SEPTIN1: variants seen among roughly 807,000 people sequenced by gnomAD.
The protein encoded by SEPTIN1 is septin-1.
In SEPTIN1, 52 loss-of-function variants were observed where a neutral mutation model predicts 50.7. That is an observed-to-expected ratio of 1.03 (90% CI 0.82 to 1.29). SEPTIN1 has a LOEUF of 1.29. SEPTIN1 is among the 50% of genes most tolerant of loss of function. The pLI is 0.00. For missense variants in SEPTIN1, 455 were observed against 490.7 expected, an observed-to-expected ratio of 0.93 and a Z score of 0.69; for synonymous variants, 204 against 189.1, an observed-to-expected ratio of 1.08 and a Z score of -0.65.
Position 30,382,555 on chromosome 16 carries a change from C to G in SEPTIN1, c.-13G>C. On this transcript the variant is annotated 5_prime_UTR_variant, in exon 1 of 11. Coordinates refer to ENST00000321367, the MANE Select transcript of SEPTIN1 (RefSeq NM_001365977.2). The surrounding 1 kb of genome is among the most constrained non-coding windows in gnomAD (Gnocchi z 4.8). ...CTCCGCCAGCCATCACTGCACCTGC[C>G]GTCTCTCCCCACTTCCTCTGGTGGG... 6.3e-7 allele frequency: 1 copy of G among 1,588,932 alleles called. No individual in the cohort carries two copies. The highest frequency in any genetic ancestry group is 8.6e-7 in the Non-Finnish European group (1 of 1,167,572).
Position 30,381,449 on chromosome 16 carries a change from G to C in SEPTIN1, c.345C>G (p.Ile115Met), listed in dbSNP as rs771721047. Reference sequence around the variant, plus strand: ...TAAGGTACTGCTCAAATTGCTCCTCGATGAATTTCACCACCGGAAGCCAGC... The same window carrying C: ...TAAGGTACTGCTCAAATTGCTCCTCCATGAATTTCACCACCGGAAGCCAGC... ...SDCWLPVVKF[I>M]EEQFEQYLRD... Residue 115 changes from isoleucine to methionine, a missense_variant, in exon 5 of 11, where the codon ATC (isoleucine) becomes ATG (methionine). By Grantham distance (10) the Ile-to-Met change is conservative. Transcript: ENST00000321367. The surrounding 1 kb of genome is among the most constrained non-coding windows in gnomAD (Gnocchi z 4.3). The C allele has an allele frequency of 1.2e-6, 2 of 1,613,908 alleles. No individual in the cohort carries two copies. Among genetic ancestry groups the C allele is most frequent in the Non-Finnish European group, 1.7e-6 (2 of 1,180,014 alleles).
intron 9 of SEPTIN1, 82 bp downstream of exon 9, chr16:30,378,936 G>T: frequency 1.4e-6 from 2 of 1,405,180 alleles, no homozygotes; most frequent in Non-Finnish European, 9.8e-7. Context: ...GGAGTCACGG[G>T]TGGTGGGGAC....
At chr16:30,379,266 TCCTG>T (rs2049804411) in intron 8 of SEPTIN1, 83 bp from the exon 9 acceptor site, 1 of 1,551,966 alleles carries the variant, frequency 6.4e-7, no homozygotes, top group Non-Finnish European at 8.8e-7. Flanking sequence ...TACAGGAAAG[TCCTG>T]CTGCCACTCT....
Position 30,379,547 on chromosome 16 carries a change from G to A in SEPTIN1, c.676-13C>T, listed in dbSNP as rs748987262. 3.1e-6 allele frequency: 5 copies of A among 1,607,704 alleles called. No homozygotes were observed. The Admixed American group carries it at 6.7e-5, about 21-fold the overall frequency. On this transcript the variant is annotated splice_polypyrimidine_tract_variant and intron_variant, in intron 7 of 10. Transcript: ENST00000321367. ...AAGGGATGCTTTCCTGGAGGGCAGG[G>A]GGCAGGGGTTCACCATTGGCTCACA...
rs147007529 is a variant in SEPTIN1, at chr16:30,382,361, T to C, written c.23A>G (p.Lys8Arg). Residue 8 changes from lysine (K) to arginine (R), a missense_variant, in exon 2 of 11, where the codon AAG becomes AGG. Transcript: ENST00000321367. The surrounding 1 kb of genome is among the most constrained non-coding windows in gnomAD (Gnocchi z 4.8). Reference sequence around the variant, plus strand: ...GAGGGCAGCAAAACCCACGTACTCCTTGTCCTATGGATGGGGGTGGACAAT... The same window carrying C: ...GAGGGCAGCAAAACCCACGTACTCCCTGTCCTATGGATGGGGGTGGACAAT... MAGGVMD[K>R]EYVGFAALPN... 5.0e-5 allele frequency: 80 copies of C among 1,611,040 alleles called. No individual in the cohort carries two copies. The highest frequency in any genetic ancestry group is 6.5e-5 in the Non-Finnish European group (77 of 1,178,310).
In SEPTIN1 at chr16:30,378,605, C is replaced by T; in HGVS notation, c.1032+5G>A. 1.2e-6 allele frequency: 2 copies of T among 1,611,464 alleles called. No homozygotes were observed. The highest frequency in any genetic ancestry group is 1.7e-6 in the Non-Finnish European group (2 of 1,179,818). On this transcript the variant is annotated splice_donor_5th_base_variant and intron_variant, in intron 10 of 10. Transcript: ENST00000321367. ...CGGTCGGGGGGAAGCGAGGTGCGTGCTCACCTCTTCGTCTTTCTCGCGGAT... is the reference window on the plus strand; with the variant it reads ...CGGTCGGGGGGAAGCGAGGTGCGTGTTCACCTCTTCGTCTTTCTCGCGGAT...
At position 30,382,130 on chromosome 16, in the gene SEPTIN1, G is replaced by A; in HGVS notation, c.159C>T (p.Thr53=). 3 of 1,590,732 alleles carry A rather than the reference G, an allele frequency of 1.9e-6. No individual in the cohort carries two copies. Among genetic ancestry groups the A allele is most frequent in the Non-Finnish European group, 2.6e-6 (3 of 1,168,348 alleles). ...GCACCTGGCGATCCTCATAGAGGTT[G>A]GTGAGGAAGAGGCTGTTGATGAGGG... ...KSTLINSLFL[T]NLYEDRQVPE... The change falls in exon 3 of 11, where the codon ACC becomes ACT. Residue 53 remains threonine (T), a synonymous_variant. Coordinates refer to ENST00000321367, the MANE Select transcript of SEPTIN1 (RefSeq NM_001365977.2). This position sits in a 1 kb window ranked among gnomAD's most constrained non-coding sequence, Gnocchi z 4.8.
rs1392937710 is a variant in SEPTIN1 at position 30,379,917 on chromosome 16, C to G, written c.675+15G>C. 7.0e-7 allele frequency: 1 copy of G among 1,431,082 alleles called. No homozygotes were observed. Among genetic ancestry groups the G allele is most frequent in the Admixed American group, 1.7e-5 (1 of 58,374 alleles). The allele number at this position is 1,431,082 out of a possible 1,614,324, so 88.6% of individuals were successfully genotyped here. On this transcript the variant is annotated intron_variant, in intron 7 of 10. Transcript: ENST00000321367. Reference sequence around the variant, plus strand: ...CCACCGTGCCCGGCCTGCCTTCCTTCTTTGTTTCCCACACCTTCATCTCTG... The same window carrying G: ...CCACCGTGCCCGGCCTGCCTTCCTTGTTTGTTTCCCACACCTTCATCTCTG...
In SEPTIN1 at chr16:30,379,502, G is replaced by A. The variant is rs781120091; in HGVS notation, c.708C>T (p.Cys236=). 19 of 1,613,664 alleles carry A rather than the reference G, an allele frequency of 1.2e-5. No homozygotes were observed. In the South Asian group the frequency reaches 1.4e-4, roughly 12 times the overall value. ...GGTTCCCGCCATCCCTCACCACCTC[G>A]CATGATCCCACGACTGCAAAAGGGA... ...ESIPFAVVGS[C]EVVRDGGNRP... Residue 236 remains cysteine (C), a synonymous_variant, in exon 8 of 11, where the codon TGC becomes TGT. Coordinates refer to ENST00000321367, the MANE Select transcript of SEPTIN1 (RefSeq NM_001365977.2).
Position 30,381,220 on chromosome 16 carries a change from G to T in SEPTIN1, c.480C>A (p.Phe160Leu). 6.2e-7 allele frequency: 1 copy of T among 1,614,060 alleles called. No individual in the cohort carries two copies. The highest frequency in any genetic ancestry group is 1.3e-5 in the African/African-American group (1 of 74,986). Reference sequence around the variant, plus strand: ...TGACTTTCTCGTGTACTGCCCGGAGGAAGGCCACATCTAGGGGCCGGAGCC... The same window carrying T: ...TGACTTTCTCGTGTACTGCCCGGAGTAAGGCCACATCTAGGGGCCGGAGCC... ...GRGLRPLDVA[F>L]LRAVHEKVNI... The change falls in exon 6 of 11, where the codon TTC (phenylalanine) becomes TTA (leucine). Residue 160 changes from phenylalanine (F) to leucine (L), a missense_variant. Physicochemically the swap from Phe to Leu is conservative, Grantham distance 22. Transcript: ENST00000321367. This position sits in a 1 kb window ranked among gnomAD's most constrained non-coding sequence, Gnocchi z 4.3.
In SEPTIN1 at chr16:30,379,105, A is replaced by C. The variant is rs766695673; in HGVS notation, c.854T>G (p.Val285Gly). The change falls in exon 9 of 11, where the codon GTG (valine) becomes GGG (glycine). Residue 285 changes from valine (V) to glycine (G), a missense_variant. Physicochemically the swap from Val to Gly is moderately radical, Grantham distance 109 (BLOSUM62 -3). Coordinates refer to ENST00000321367, the MANE Select transcript of SEPTIN1 (RefSeq NM_001365977.2). Reference sequence around the variant, plus strand: ...GCCCTCGTAGAGCAGATCGTGCGTCACCTCTTTCAGGTCCTGCAGGTGTGT... The same window carrying C: ...GCCCTCGTAGAGCAGATCGTGCGTCCCCTCTTTCAGGTCCTGCAGGTGTGT... Reference protein sequence around the residue: ...VQTHLQDLKEVTHDLLYEGYR... With the variant: ...VQTHLQDLKEGTHDLLYEGYR... 1.2e-6 allele frequency: 2 copies of C among 1,613,820 alleles called. No individual in the cohort carries two copies. Among genetic ancestry groups the C allele is most frequent in the Admixed American group, 3.3e-5 (2 of 59,996 alleles).
Position 30,378,687 on chromosome 16 carries a change from G to A in SEPTIN1, c.955C>T (p.Gln319Ter). The part of the protein sequence containing the change: ...DRASRSKLSR[Q>*]SATEIPLPML... ...GGCAGCGGGATCTCTGTGGCGCTCT[G>A]GCGGGAAAGCTTACTGCGGGACAGT... The change falls in exon 10 of 11, where the codon CAG becomes TAG. Residue 319 changes from glutamine (Q) to a stop codon, truncating the protein, a stop_gained. Transcript: ENST00000321367. LOFTEE classifies it high-confidence loss of function. 1.2e-6 allele frequency: 2 copies of A among 1,608,478 alleles called. No homozygotes were observed. Among genetic ancestry groups the A allele is most frequent in the South Asian group, 2.2e-5 (2 of 91,042 alleles).
chr16:30,381,723 G>T lies in SEPTIN1; in HGVS notation c.320+37C>A. 1 of 1,610,618 alleles carries T rather than the reference G, an allele frequency of 6.2e-7. No individual in the cohort carries two copies. Among genetic ancestry groups the T allele is most frequent in the South Asian group, 1.1e-5 (1 of 90,696 alleles). On this transcript the variant is annotated intron_variant, in intron 4 of 10. Transcript: ENST00000321367. The surrounding 1 kb of genome is among the most constrained non-coding windows in gnomAD (Gnocchi z 4.3). ...TAACTCTCCAGGGAGTCGCCACTGT[G>T]AAAGGCTGAGCCTCTGTCCCCTTTC...
rs1451083839 is a variant in SEPTIN1, at chr16:30,378,379, T to G, written c.*55A>C. ...GCTGGGCAGTGTGGGGCGCGGGGAT[T>G]GGACAAGAGGCCGACTGAAGGCGGA... On this transcript the variant is annotated 3_prime_UTR_variant, in exon 11 of 11. Coordinates refer to ENST00000321367, the MANE Select transcript of SEPTIN1 (RefSeq NM_001365977.2). 2 of 1,474,488 alleles carry G rather than the reference T, an allele frequency of 1.4e-6. No individual in the cohort carries two copies. The highest frequency in any genetic ancestry group is 1.8e-6 in the Non-Finnish European group (2 of 1,110,338). The allele number at this position is 1,474,488 out of a possible 1,614,324, so 91.3% of individuals were successfully genotyped here. A position where few individuals can be genotyped will look rare whatever the true frequency, so the allele number is the denominator to read the frequency against.
In SEPTIN1 at chr16:30,381,732, A is replaced by G. The variant is rs2049851663; in HGVS notation, c.320+28T>C. On this transcript the variant is annotated intron_variant, in intron 4 of 10. Coordinates refer to ENST00000321367, the MANE Select transcript of SEPTIN1 (RefSeq NM_001365977.2). This position sits in a 1 kb window ranked among gnomAD's most constrained non-coding sequence, Gnocchi z 4.3. ...AGGGAGTCGCCACTGTGAAAGGCTG[A>G]GCCTCTGTCCCCTTTCCTCTTCCTC... 4.3e-6 allele frequency: 7 copies of G among 1,612,218 alleles called. No individual in the cohort carries two copies. The South Asian group carries it at 6.6e-5, about 15-fold the overall frequency.
In SEPTIN1 at chr16:30,378,226, GC is replaced by G; in HGVS notation, c.*207del. ...AGTGATGCGGTCGGAGATTGTGCAGGCCCCGGGCCGGGAAGTGGGCGGTGTC... is the reference window on the plus strand; with the variant it reads ...AGTGATGCGGTCGGAGATTGTGCAGGCCCGGGCCGGGAAGTGGGCGGTGTC... On this transcript the variant is annotated 3_prime_UTR_variant, in exon 11 of 11. Transcript: ENST00000321367. 1 of 672,100 alleles carries G rather than the reference GC, an allele frequency of 1.5e-6. No homozygotes were observed. Among genetic ancestry groups the G allele is most frequent in the Non-Finnish European group, 2.6e-6 (1 of 379,718 alleles). 41.6% of individuals were successfully genotyped at this position (672,100 alleles called of 1,614,324 possible).
chr16:30,381,862 G>A lies in SEPTIN1; in HGVS notation c.218C>T (p.Ala73Val), dbSNP rs2049853973. The change falls in exon 4 of 11, where the codon GCC (alanine) becomes GTC (valine). Residue 73 changes from alanine (A) to valine (V), a missense_variant. Coordinates refer to ENST00000321367, the MANE Select transcript of SEPTIN1 (RefSeq NM_001365977.2). The surrounding 1 kb of genome is among the most constrained non-coding windows in gnomAD (Gnocchi z 4.3). ...AATCTCTACGCCCCGGCGCTCAATG[G>A]CCAGGGTCTGTGTCAAGCGAGCTGT... ...EASARLTQTL[A>V]IERRGVEIEE... 1 of 1,614,000 alleles carries A rather than the reference G, an allele frequency of 6.2e-7. No homozygotes were observed. The highest frequency in any genetic ancestry group is 1.3e-5 in the African/African-American group (1 of 74,914).
chr16:30,379,946 C>G lies in SEPTIN1; in HGVS notation c.661G>C (p.Asp221His). ...GTTTCCCACACCTTCATCTCTGCAT[C>G]CTGCCTCTTGAAGTCTTCATCTTCA... ...SDEDEDFKRQ[D>H]AEMKESIPFA... Residue 221 changes from aspartate (D) to histidine (H), a missense_variant, in exon 7 of 11, where the codon GAT becomes CAT. By Grantham distance (81) the Asp-to-His change is moderately conservative. Coordinates refer to ENST00000321367, the MANE Select transcript of SEPTIN1 (RefSeq NM_001365977.2). 3 of 1,558,898 alleles carry G rather than the reference C, an allele frequency of 1.9e-6. No individual in the cohort carries two copies. The highest frequency in any genetic ancestry group is 2.7e-6 in the Non-Finnish European group (3 of 1,130,884).
In SEPTIN1 at chr16:30,378,305, C is replaced by T; in HGVS notation, c.*129G>A. The T allele has an allele frequency of 1.1e-6, 1 of 914,934 alleles. No individual in the cohort carries two copies. Among genetic ancestry groups the T allele is most frequent in the East Asian group, 2.7e-5 (1 of 36,628 alleles). The allele number at this position is 914,934 out of a possible 1,614,324, so 56.7% of individuals were successfully genotyped here. ...GGGCTACGGACTCAGGCTGGGAGAA[C>T]CTCCCCCTAGCCCGCGCGAGGGCGG... On this transcript the variant is annotated 3_prime_UTR_variant, in exon 11 of 11. Coordinates refer to ENST00000321367, the MANE Select transcript of SEPTIN1 (RefSeq NM_001365977.2).
Sources: gnomAD v4.1 joint callset for allele counts on GRCh38, gnomAD v4.1.1 for gene constraint, Gnocchi (gnomAD v3.1) non-coding constraint, MANE v1.5 for transcripts, NCBI Gene and HGNC (gene_info 2026-07-23, HGNC 2026-07-21) for gene names.